CYP19A1: variants seen among roughly 807,000 people sequenced by gnomAD.
The protein encoded by CYP19A1 is cytochrome P450 family 19 subfamily A member 1.
A neutral mutation model predicts 44.4 loss-of-function variants in CYP19A1; 32 were observed. The ratio of observed to expected loss-of-function variants is 0.72; its 90% CI spans 0.54 to 0.97. The LOEUF is 0.97. Ranked by LOEUF, CYP19A1 falls within the 50% of genes least tolerant of loss-of-function variation. CYP19A1 has a pLI of 0.00. For synonymous variants in CYP19A1, 212 were observed against 215.6 expected (o/e 0.98, Z 0.14); for missense variants, 598 against 637.8 (o/e 0.94, Z 0.67).
At chr15:51,239,475 C>A (rs2033611605) in intron 2 of CYP19A1, among the ~76,000 whole-genome samples, 1 of 152,158 alleles carries the variant, frequency 6.6e-6, no homozygotes, top group Admixed American at 6.5e-5. Flanking sequence ...AAATGAACTA[C>A]ACCTGCATGC....
At chr15:51,223,593 T>TCTCTCTCTCACACA (rs1356666512) in intron 4 of CYP19A1, among the ~76,000 whole-genome samples, 93 of 90,204 alleles carry the variant, frequency 1.0e-3, no homozygotes, top group African/African-American at 2.8e-3. Flanking sequence ...TCTCTCTCTC[T>TCTCTCTCTCACACA]CACACACACA....
chr15:51,217,704 G>A (rs535391755), intron 6 of CYP19A1, among the ~76,000 whole-genome samples: 2 of 152,138 alleles, frequency 1.3e-5, no homozygotes. Flanking sequence ...AACATATTTA[G>A]TACCCTCTAT....
chr15:51,275,863 T>C (rs993685683), intron 1 of CYP19A1, among the ~76,000 whole-genome samples: 4 of 152,176 alleles, frequency 2.6e-5, no homozygotes, highest in Non-Finnish European at 2.9e-5. Context: ...ATTTGTAACA[T>C]AGATCGCCCC....
intron 1 of CYP19A1, among the ~76,000 whole-genome samples, chr15:51,325,708 C>T (rs941963402): frequency 2.0e-5 from 3 of 151,956 alleles, no homozygotes; most frequent in Non-Finnish European, 4.4e-5. Flanking sequence ...CGTGGTGGCA[C>T]ATGCCTGTAA....
chr15:51,235,200 G>T (rs2033311708), intron 3 of CYP19A1, among the ~76,000 whole-genome samples: 2 of 152,192 alleles, frequency 1.3e-5, no homozygotes, highest in South Asian at 4.1e-4. Context: ...TGGCTGACTA[G>T]AGCCTAATAG....
chr15:51,298,238 G>A (rs183048946), intron 1 of CYP19A1, among the ~76,000 whole-genome samples: 2 of 152,348 alleles, frequency 1.3e-5, no homozygotes, highest in South Asian at 2.1e-4. Flanking sequence ...ATATTTCAGA[G>A]TTATCTGTCC....
chr15:51,327,423 TCTC>T (rs948682484), intron 1 of CYP19A1, among the ~76,000 whole-genome samples: 4 of 152,130 alleles, frequency 2.6e-5, no homozygotes, highest in African/African-American at 9.7e-5. Flanking sequence ...CATCTAATGT[TCTC>T]ACCCCCCAAA....
intron 3 of CYP19A1, among the ~76,000 whole-genome samples, chr15:51,233,262 C>T (rs937244320): frequency 9.9e-5 from 15 of 152,152 alleles, no homozygotes; most frequent in African/African-American, 3.1e-4. Flanking sequence ...CTGGTTTGCC[C>T]GGGACTATGC....
At chr15:51,305,550 T>C (rs545902797) in intron 1 of CYP19A1, among the ~76,000 whole-genome samples, 1 of 151,766 alleles carries the variant, frequency 6.6e-6, no homozygotes. Flanking sequence ...GATAATAAAT[T>C]TGTGTGTGTG....
intron 1 of CYP19A1, chr15:51,318,859 T>G (rs2036476766): frequency 6.6e-6 from 1 of 152,196 alleles, no homozygotes; most frequent in South Asian, 2.1e-4. Context: ...TGAGTTTCAT[T>G]TTGTCGGTCA....
At chr15:51,264,680 A>G (rs1157290529) in intron 1 of CYP19A1, among the ~76,000 whole-genome samples, 2 of 152,184 alleles carry the variant, frequency 1.3e-5, no homozygotes, top group East Asian at 1.9e-4. Flanking sequence ...GAACAAGAAG[A>G]GTTGGATGCA....
intron 1 of CYP19A1, among the ~76,000 whole-genome samples, chr15:51,330,877 T>C (rs2036689856): frequency 6.6e-6 from 1 of 152,196 alleles, no homozygotes. Context: ...AAGTTTTCAT[T>C]GTATTTTGCA....
chr15:51,263,534 C>T (rs1459649993), intron 1 of CYP19A1, among the ~76,000 whole-genome samples: 2 of 152,082 alleles, frequency 1.3e-5, no homozygotes, highest in Non-Finnish European at 2.9e-5. Context: ...TGGATTCTTG[C>T]ATATATTTGA....
Position 51,288,329 on chromosome 15 carries a change from T to A in CYP19A1, c.-38-45379A>T, listed in dbSNP as rs57090104. On this transcript the variant is annotated intron_variant, in intron 1 of 9. Coordinates refer to ENST00000396402, the MANE Select transcript of CYP19A1 (RefSeq NM_000103.4). ...TTCAAGCTGCCACCGCTCTGCCCACTGTCCAAAGCAACTCACCGCCCACCC... is the reference window on the plus strand; with the variant it reads ...TTCAAGCTGCCACCGCTCTGCCCACAGTCCAAAGCAACTCACCGCCCACCC... 5.5e-3 allele frequency among the ~76,000 whole-genome samples: 830 copies of A among 152,156 alleles called. 11 individuals are homozygous for A. Among genetic ancestry groups the A allele is most frequent in the African/African-American group, 0.019 (799 of 41,486 alleles).
In CYP19A1 at chr15:51,236,855, T is replaced by C. The variant is rs1476336776; in HGVS notation, c.296+4A>G. 3 of 1,613,968 alleles carry C rather than the reference T, an allele frequency of 1.9e-6. No homozygotes were observed. Among genetic ancestry groups the C allele is most frequent in the African/African-American group, 1.3e-5 (1 of 74,914 alleles). The stretch of plus-strand genomic sequence containing the variant: ...AGTATGTCTTCGATTATGAACAGAC[T>C]CACTTGCTGATAATGAGTGTTTCCT... On this transcript the variant is annotated splice_donor_region_variant and intron_variant, in intron 3 of 9. Transcript: ENST00000396402.
intron 1 of CYP19A1, among the ~76,000 whole-genome samples, chr15:51,289,004 G>A (rs985268318): frequency 6.6e-6 from 1 of 152,194 alleles, no homozygotes; most frequent in Admixed American, 6.5e-5. Flanking sequence ...GAGAAATGAT[G>A]GTGAACTAAG....
intron 6 of CYP19A1, 93 bp from the exon 7 acceptor site, chr15:51,215,910 G>A: frequency 6.3e-7 from 1 of 1,587,132 alleles, no homozygotes; most frequent in Non-Finnish European, 8.5e-7. Context: ...AAAATGATCT[G>A]CTTTAATTGA....
rs1441499866 is a variant in CYP19A1, at chr15:51,262,144, A to C, written c.-38-19194T>G. Among the ~76,000 whole-genome samples the C allele has an allele frequency of 2.6e-5, 4 of 152,368 alleles. No individual in the cohort carries two copies. In the East Asian group the frequency reaches 7.7e-4, roughly 29 times the overall value. ...CACTTAAAGGCGTTCCTAAGCCACA[A>C]ACAATAGCATGAGCGATCTGTGCCT... On this transcript the variant is annotated intron_variant, in intron 1 of 9. Coordinates refer to ENST00000396402, the MANE Select transcript of CYP19A1 (RefSeq NM_000103.4).
At chr15:51,244,104 C>T (rs1306501976) in intron 1 of CYP19A1, among the ~76,000 whole-genome samples, 1 of 152,230 alleles carries the variant, frequency 6.6e-6, no homozygotes, top group East Asian at 1.9e-4. Flanking sequence ...TCTAGATTCA[C>T]AGCCAGGGCT....
Sources: allele counts gnomAD v4.1 joint callset (sites outside exome capture counted in the v4.1 genomes callset), GRCh38; gene constraint gnomAD v4.1.1; transcripts MANE v1.5; gene names NCBI Gene and HGNC (gene_info 2026-07-23, HGNC 2026-07-21).